Variants in WDR72 observed in about 807,000 individuals in gnomAD.
WDR72 encodes the protein WD repeat domain 72, also known as WD repeat-containing protein 72.
A neutral mutation model predicts 124.2 loss-of-function variants in WDR72; 120 were observed. The ratio of observed to expected loss-of-function variants is 0.97; its 90% confidence interval spans 0.83 to 1.12. The LOEUF is 1.12. Ranked by LOEUF, WDR72 falls within the 50% of genes most tolerant of loss-of-function variation. The pLI is 0.00. For missense variants in WDR72, 1,387 were observed against 1,278.8 expected (o/e 1.08, Z -1.29); for synonymous variants, 452 against 441.7 (o/e 1.02, Z -0.29).
At chr15:53,753,099 A>G (rs1449495651) in intron 1 of WDR72, among the ~76,000 whole-genome samples, 1 of 152,166 alleles carries the variant, frequency 6.6e-6, no homozygotes, top group Non-Finnish European at 1.5e-5. Flanking sequence ...CATCCCTTAC[A>G]CTTTGGCTTC....
intron 14 of WDR72, among the ~76,000 whole-genome samples, chr15:53,652,961 G>A (rs1481033735): frequency 2.0e-5 from 3 of 152,104 alleles, no homozygotes; most frequent in Non-Finnish European, 4.4e-5. Flanking sequence ...CTAAATATCA[G>A]TGGAGGCTGC....
intron 14 of WDR72, among the ~76,000 whole-genome samples, chr15:53,656,417 T>C (rs1163361628): frequency 2.6e-5 from 4 of 152,196 alleles, no homozygotes; most frequent in Non-Finnish European, 5.9e-5. Flanking sequence ...AGATAAAGTC[T>C]TAATACATTT....
At chr15:53,683,602 A>G (rs1455804928) in intron 13 of WDR72, among the ~76,000 whole-genome samples, 2 of 152,134 alleles carry the variant, frequency 1.3e-5, no homozygotes, top group Non-Finnish European at 2.9e-5. Flanking sequence ...TTCTTACATT[A>G]TGTATTTTAC....
intron 17 of WDR72, among the ~76,000 whole-genome samples, chr15:53,607,789 G>T (rs112119458): frequency 6.6e-6 from 1 of 151,986 alleles, no homozygotes; most frequent in Non-Finnish European, 1.5e-5. Flanking sequence ...AGAGTATACA[G>T]GGAGCTCAAA....
intron 14 of WDR72, among the ~76,000 whole-genome samples, chr15:53,650,303 A>G (rs2015186965): frequency 6.6e-6 from 1 of 152,220 alleles, no homozygotes; most frequent in African/African-American, 2.4e-5. Context: ...CAATGGGCAT[A>G]AAGTTTCAGC....
chr15:53,543,908 T>G (rs1395152561), intron 18 of WDR72, among the ~76,000 whole-genome samples: 5 of 152,140 alleles, frequency 3.3e-5, no homozygotes, highest in African/African-American at 1.2e-4. Flanking sequence ...CTAGAAAATC[T>G]AGAAGAAATG....
rs781552718 is a variant in WDR72 at position 53,711,328 on chromosome 15, G to A, written c.857+8C>T. The A allele has an allele frequency of 1.9e-5, 31 of 1,613,954 alleles. No individual in the cohort carries two copies. The highest frequency in any genetic ancestry group is 3.3e-4 in the Middle Eastern group (2 of 6,084). Reference sequence around the variant, plus strand: ...AATGTTTTGTATGCCGCTCCCATCTGAGCCCACCTGTTCAGCAGCTGATAG... The same window carrying A: ...AATGTTTTGTATGCCGCTCCCATCTAAGCCCACCTGTTCAGCAGCTGATAG... On this transcript the variant is annotated splice_region_variant and intron_variant, in intron 8 of 19. Coordinates refer to ENST00000360509, the MANE Select transcript of WDR72 (RefSeq NM_182758.4).
intron 18 of WDR72, among the ~76,000 whole-genome samples, chr15:53,551,117 T>C (rs753516363): frequency 2.5e-4 from 38 of 151,952 alleles, no homozygotes; most frequent in Admixed American, 3.9e-4. Flanking sequence ...ACAGGTTAAA[T>C]GGGTGTCACT....
rs906413685 is a variant in WDR72, at chr15:53,616,128, A to G, written c.2078T>C (p.Leu693Ser). 3 of 1,604,692 alleles carry G rather than the reference A, an allele frequency of 1.9e-6. No homozygotes were observed. Among genetic ancestry groups the G allele is most frequent in the Non-Finnish European group, 2.6e-6 (3 of 1,174,570 alleles). ...LFDLENLVEL[L>S]LPTPLSDVDS... is the part of the protein sequence containing the mutation. ...AACATCACTGAGTGGAGTTGGTAGCAAAAGTTCAACAAGGTTTTCCAGATC... is the reference window on the plus strand; with the variant it reads ...AACATCACTGAGTGGAGTTGGTAGCGAAAGTTCAACAAGGTTTTCCAGATC... Residue 693 changes from leucine (L) to serine (S), a missense_variant, in exon 15 of 20, where the codon TTG becomes TCG. Physicochemically the swap from Leu to Ser is moderately radical, Grantham distance 145. Transcript: ENST00000360509.
intron 14 of WDR72, among the ~76,000 whole-genome samples, chr15:53,620,835 A>T (rs979863205): frequency 4.6e-5 from 7 of 152,148 alleles, no homozygotes; most frequent in Non-Finnish European, 1.0e-4. Flanking sequence ...TGCATGGCAA[A>T]AGGAACAGTC....
chr15:53,740,055 A>G (rs2018466248), intron 1 of WDR72, among the ~76,000 whole-genome samples: 2 of 152,172 alleles, frequency 1.3e-5, no homozygotes, highest in Admixed American at 1.3e-4. Flanking sequence ...CTTGAGGTGC[A>G]GTATTTATAT....
chr15:53,697,413 A>G (rs377523938), intron 13 of WDR72, among the ~76,000 whole-genome samples: 13 of 152,250 alleles, frequency 8.5e-5, no homozygotes, highest in African/African-American at 3.1e-4. Flanking sequence ...TCCCCTCTCT[A>G]TGTGAGTCCT....
chr15:53,521,232 C>A (rs1891776445), intron 19 of WDR72, among the ~76,000 whole-genome samples: 1 of 152,114 alleles, frequency 6.6e-6, no homozygotes, highest in Non-Finnish European at 1.5e-5. Flanking sequence ...TATTTCCAAC[C>A]CACAAGCCCT....
At chr15:53,598,207 T>A (rs2012868676) in intron 17 of WDR72, among the ~76,000 whole-genome samples, 1 of 145,910 alleles carries the variant, frequency 6.9e-6, no homozygotes, top group Non-Finnish European at 1.5e-5. Flanking sequence ...CAGCCAACAG[T>A]TAAACCTTCA....
chr15:53,670,516 T>G (rs940667639), intron 13 of WDR72, among the ~76,000 whole-genome samples: 1 of 152,196 alleles, frequency 6.6e-6, no homozygotes, highest in Non-Finnish European at 1.5e-5. Context: ...GCCCATGTTC[T>G]TTCTATCTGT....
intron 2 of WDR72, among the ~76,000 whole-genome samples, chr15:53,727,586 A>G (rs1326845317): frequency 6.6e-6 from 1 of 152,186 alleles, no homozygotes; most frequent in Non-Finnish European, 1.5e-5. Flanking sequence ...AGAGAACAAC[A>G]TACTATCTTT....
intron 1 of WDR72, among the ~76,000 whole-genome samples, chr15:53,746,131 T>G (rs532511818): frequency 6.6e-6 from 1 of 152,288 alleles, no homozygotes; most frequent in Non-Finnish European, 1.5e-5. Context: ...ATACAATACC[T>G]GGCAAGAACA....
chr15:53,609,689 G>GC (rs1555413558), intron 16 of WDR72, 97 bp from the exon 17 acceptor site: 9 of 1,027,616 alleles, frequency 8.8e-6, no homozygotes, highest in Non-Finnish European at 1.3e-5. Flanking sequence ...GGGAAGCTTT[G>GC]TTTTTTATAA....
chr15:53,582,982 T>G (rs890567812), intron 18 of WDR72, among the ~76,000 whole-genome samples: 1 of 151,946 alleles, frequency 6.6e-6, no homozygotes, highest in Non-Finnish European at 1.5e-5. Context: ...AAGGCCCAAA[T>G]GTAGCTAGAG....
Sources: gnomAD v4.1 joint callset for allele counts (sites outside exome capture counted in the v4.1 genomes callset) on GRCh38, gnomAD v4.1.1 for gene constraint, MANE v1.5 for transcripts, NCBI Gene and HGNC (gene_info 2026-07-23, HGNC 2026-07-21) for gene names.